The following DRC11 variants were observed in gnomAD, a reference collection of about 807,000 sequenced individuals.
The protein encoded by DRC11 is IQ and AAA domain-containing protein 1.
the DRC11 span, among the ~76,000 whole-genome samples, chr2:236,485,133 T>C: frequency 2.0e-5 from 3 of 152,302 alleles, no homozygotes; most frequent in South Asian, 6.2e-4. Flanking sequence ...CTCTCTTCAA[T>C]ATTTTCTATT....
the DRC11 span, among the ~76,000 whole-genome samples, chr2:236,413,695 T>C: frequency 2.0e-5 from 3 of 152,170 alleles, no homozygotes; most frequent in Non-Finnish European, 2.9e-5. The surrounding 1 kb of genome is among the most constrained non-coding windows in gnomAD (Gnocchi z 4.0). Context: ...CAGAAGAAGT[T>C]AGCACTAAGT....
the DRC11 span, among the ~76,000 whole-genome samples, chr2:236,465,297 C>T: frequency 6.6e-6 from 1 of 152,140 alleles, no homozygotes; most frequent in African/African-American, 2.4e-5. This position sits in a 1 kb window ranked among gnomAD's most constrained non-coding sequence, Gnocchi z 6.2. Flanking sequence ...ATATTCCAAG[C>T]CATGTGGTCA....
At chr2:236,311,037 C>T in the DRC11 span, among the ~76,000 whole-genome samples, 308 of 152,310 alleles carry the variant, frequency 2.0e-3, 1 homozygote, top group Middle Eastern at 3.4e-3. This position sits in a 1 kb window ranked among gnomAD's most constrained non-coding sequence, Gnocchi z 6.9. Flanking sequence ...TTGAGTCAAG[C>T]GCCAACCAAT....
chr2:236,429,607 G>C, the DRC11 span, among the ~76,000 whole-genome samples: 1 of 152,156 alleles, frequency 6.6e-6, no homozygotes, highest in Admixed American at 6.5e-5. This position sits in a 1 kb window ranked among gnomAD's most constrained non-coding sequence, Gnocchi z 5.9. Flanking sequence ...TTTCTGGCAT[G>C]CATGCAGTAG....
At chr2:236,402,674 C>T in the DRC11 span, among the ~76,000 whole-genome samples, 1 of 152,150 alleles carries the variant, frequency 6.6e-6, no homozygotes, top group Non-Finnish European at 1.5e-5. This position sits in a 1 kb window ranked among gnomAD's most constrained non-coding sequence, Gnocchi z 6.0. Flanking sequence ...TATGACACAG[C>T]TCACCCACCT....
At chr2:236,357,997 AATAT>A in the DRC11 span, among the ~76,000 whole-genome samples, 37 of 115,668 alleles carry the variant, frequency 3.2e-4, no homozygotes, top group South Asian at 9.0e-3. Flanking sequence ...AATATATATG[AATAT>A]ATATTTATAA....
At chr2:236,315,428 T>C in the DRC11 span, among the ~76,000 whole-genome samples, 1 of 152,228 alleles carries the variant, frequency 6.6e-6, no homozygotes, top group South Asian at 2.1e-4. This position sits in a 1 kb window ranked among gnomAD's most constrained non-coding sequence, Gnocchi z 5.1. Flanking sequence ...GTTCAACCAT[T>C]GTGGAAGACA....
the DRC11 span, among the ~76,000 whole-genome samples, chr2:236,325,515 T>G: frequency 6.6e-6 from 1 of 152,214 alleles, no homozygotes; most frequent in Non-Finnish European, 1.5e-5. This position sits in a 1 kb window ranked among gnomAD's most constrained non-coding sequence, Gnocchi z 4.4. Context: ...GTTGTAGGGT[T>G]TGAACATCTT....
chr2:236,491,059 T>TGTATATATATATACAGTATATATATATAC, the DRC11 span, among the ~76,000 whole-genome samples: 2 of 138,222 alleles, frequency 1.4e-5, no homozygotes, highest in Non-Finnish European at 3.0e-5. Flanking sequence ...TATATATATA[T>TGTATATATATATACAGTATATATATATAC]ACACACAGTA....
the DRC11 span, among the ~76,000 whole-genome samples, chr2:236,447,006 T>A: frequency 1.3e-5 from 2 of 151,476 alleles, no homozygotes; most frequent in Non-Finnish European, 2.9e-5. This position sits in a 1 kb window ranked among gnomAD's most constrained non-coding sequence, Gnocchi z 4.6. Context: ...CACTCCCCCG[T>A]AGATCTGCAG....
At chr2:236,357,760 A>G in the DRC11 span, among the ~76,000 whole-genome samples, 3 of 126,776 alleles carry the variant, frequency 2.4e-5, no homozygotes, top group African/African-American at 6.3e-5. Flanking sequence ...ATATAAATAT[A>G]CATATACTAT....
chr2:236,307,971 AGTGACACAAGCGTCCTCG>A, the DRC11 span, among the ~76,000 whole-genome samples: 3 of 151,940 alleles, frequency 2.0e-5, no homozygotes, highest in African/African-American at 7.3e-5. The surrounding 1 kb of genome is among the most constrained non-coding windows in gnomAD (Gnocchi z 7.0). Context: ...GTGTGCTTGC[AGTGACACAAGCGTCCTCG>A]TGTGCTTGCA....
At chr2:236,361,707 G>A in the DRC11 span, among the ~76,000 whole-genome samples, 1 of 152,132 alleles carries the variant, frequency 6.6e-6, no homozygotes, top group Non-Finnish European at 1.5e-5. The surrounding 1 kb of genome is among the most constrained non-coding windows in gnomAD (Gnocchi z 5.7). Flanking sequence ...TTGAATGAAA[G>A]AGGAATGAAA....
chr2:236,503,296 C>T, the DRC11 span, among the ~76,000 whole-genome samples: 2 of 152,216 alleles, frequency 1.3e-5, no homozygotes, highest in Non-Finnish European at 2.9e-5. This position sits in a 1 kb window ranked among gnomAD's most constrained non-coding sequence, Gnocchi z 4.9. Context: ...CCACAGCCGA[C>T]CTGATGGGGC....
At chr2:236,444,563 C>A in the DRC11 span, among the ~76,000 whole-genome samples, 8 of 152,334 alleles carry the variant, frequency 5.3e-5, no homozygotes, top group African/African-American at 1.9e-4. Context: ...GAGCCATTCC[C>A]TTGGCCACTG....
At chr2:236,322,503 C>T in the DRC11 span, among the ~76,000 whole-genome samples, 3 of 152,104 alleles carry the variant, frequency 2.0e-5, no homozygotes, top group African/African-American at 7.2e-5. Flanking sequence ...GCCTCGGCCT[C>T]CCAAAGTGCT....
chr2:236,352,052 G>A, the DRC11 span, among the ~76,000 whole-genome samples: 3 of 152,308 alleles, frequency 2.0e-5, no homozygotes, highest in Middle Eastern at 3.4e-3. The surrounding 1 kb of genome is among the most constrained non-coding windows in gnomAD (Gnocchi z 7.0). Context: ...AGATGAGGCC[G>A]GGAGAGGGTG....
chr2:236,451,096 T>C, the DRC11 span, among the ~76,000 whole-genome samples: 2 of 152,208 alleles, frequency 1.3e-5, no homozygotes, highest in African/African-American at 4.8e-5. Context: ...AAGGTTCTTA[T>C]ACTTTTCTTC....
the DRC11 span, among the ~76,000 whole-genome samples, chr2:236,353,303 A>G: frequency 6.6e-6 from 1 of 152,328 alleles, no homozygotes; most frequent in African/African-American, 2.4e-5. This position sits in a 1 kb window ranked among gnomAD's most constrained non-coding sequence, Gnocchi z 5.0. Flanking sequence ...TTATGAAATA[A>G]AGACAAATTT....
Sources: allele counts gnomAD v4.1 joint callset (sites outside exome capture counted in the v4.1 genomes callset), GRCh38; gene constraint gnomAD v4.1.1; non-coding constraint Gnocchi (gnomAD v3.1); transcripts MANE v1.5; gene names NCBI Gene and HGNC (gene_info 2026-07-23, HGNC 2026-07-21).